UNC13C: variants seen among roughly 807,000 people sequenced by gnomAD.
UNC13C encodes the protein protein unc-13 homolog C.
In UNC13C, 174 loss-of-function variants were observed where a neutral mutation model predicts 245.4. The observed-to-expected ratio is 0.71, with a 90% CI of 0.63 to 0.80. The LOEUF (loss-of-function observed/expected upper bound fraction) is 0.80, where lower values mean the gene tolerates loss of function less well. UNC13C is among the 30% of genes least tolerant of loss of function. The probability of loss-of-function intolerance (pLI) is 0.00; values close to 1 mark genes in which losing one functional copy is unlikely to be tolerated. For synonymous variants in UNC13C, 992 were observed against 895.1 expected, an observed-to-expected ratio of 1.11 and a Z score of -1.93; for missense variants, 2,829 against 2,602.9, an observed-to-expected ratio of 1.09 and a Z score of -1.89.
intron 19 of UNC13C, among the ~76,000 whole-genome samples, chr15:54,486,152 A>C (rs1326789853): frequency 6.6e-6 from 1 of 151,870 alleles, no homozygotes; most frequent in African/African-American, 2.4e-5. Flanking sequence ...GCTCATGCCC[A>C]TAATCCCAGC....
At chr15:53,876,269 T>G in the UNC13C span, among the ~76,000 whole-genome samples, 3 of 152,318 alleles carry the variant, frequency 2.0e-5, no homozygotes, top group East Asian at 3.9e-4. Context: ...TTCAATGGAA[T>G]GTTCAAAGCT....
chr15:53,860,180 T>G, the UNC13C span, among the ~76,000 whole-genome samples: 1 of 152,222 alleles, frequency 6.6e-6, no homozygotes, highest in African/African-American at 2.4e-5. Context: ...TCTTAAGCTT[T>G]CAATATGTGT....
intron 19 of UNC13C, among the ~76,000 whole-genome samples, chr15:54,481,665 A>T (rs1198735867): frequency 6.6e-6 from 1 of 151,928 alleles, no homozygotes; most frequent in African/African-American, 2.4e-5. Context: ...TGGGACAAGG[A>T]TGGGCCTGTC....
chr15:54,111,780 G>A (rs1017860183), intron 2 of UNC13C, among the ~76,000 whole-genome samples: 4 of 152,144 alleles, frequency 2.6e-5, no homozygotes, highest in Non-Finnish European at 5.9e-5. Flanking sequence ...ACTCCAAGGG[G>A]GCAGAGAGGA....
At chr15:53,876,653 T>C in the UNC13C span, among the ~76,000 whole-genome samples, 20 of 152,182 alleles carry the variant, frequency 1.3e-4, no homozygotes, top group Non-Finnish European at 2.9e-5. Flanking sequence ...TACTTTTTTT[T>C]GAAAAGTCTG....
chr15:53,901,218 CTTTT>C, the UNC13C span, among the ~76,000 whole-genome samples: 2 of 104,830 alleles, frequency 1.9e-5, no homozygotes, highest in Non-Finnish European at 3.8e-5. Context: ...TCATAGATTT[CTTTT>C]TTTTTTTTTT....
At chr15:54,421,935 G>A (rs920059791) in intron 19 of UNC13C, among the ~76,000 whole-genome samples, 7 of 151,982 alleles carry the variant, frequency 4.6e-5, no homozygotes, top group Admixed American at 1.3e-4. Context: ...TCCCTGCCTT[G>A]AGAAACTTTT....
intron 18 of UNC13C, among the ~76,000 whole-genome samples, chr15:54,408,254 T>C (rs1190397015): frequency 2.7e-5 from 4 of 145,672 alleles, no homozygotes; most frequent in Admixed American, 2.1e-4. Flanking sequence ...ATAGGCTCTG[T>C]TTCTGATTCT....
At chr15:54,288,673 T>C (rs1341689103) in intron 10 of UNC13C, among the ~76,000 whole-genome samples, 2 of 152,096 alleles carry the variant, frequency 1.3e-5, no homozygotes, top group Non-Finnish European at 2.9e-5. Context: ...GGTTGTTGTA[T>C]GAGTGTACTT....
chr15:53,991,964 A>G (rs968013173), intron 1 of UNC13C, among the ~76,000 whole-genome samples: 2 of 152,028 alleles, frequency 1.3e-5, no homozygotes, highest in African/African-American at 2.4e-5. Context: ...TTCTTGGCTG[A>G]TAGGTTTTCT....
At chr15:54,289,423 A>G (rs1438986692) in intron 10 of UNC13C, among the ~76,000 whole-genome samples, 5 of 152,114 alleles carry the variant, frequency 3.3e-5, no homozygotes, top group African/African-American at 4.8e-5. Flanking sequence ...ATCAAAATGT[A>G]TCGGCTTTCT....
chr15:54,537,547 C>T (rs1896037254), intron 26 of UNC13C, among the ~76,000 whole-genome samples: 2 of 151,866 alleles, frequency 1.3e-5, no homozygotes, highest in South Asian at 2.1e-4. Context: ...GCAAAAAGAA[C>T]AAAGCCAGAG....
chr15:53,902,204 T>C, the UNC13C span, among the ~76,000 whole-genome samples: 4 of 152,188 alleles, frequency 2.6e-5, no homozygotes, highest in Admixed American at 2.6e-4. Flanking sequence ...TCCCTTCTAG[T>C]CCAAATGGGC....
At chr15:54,228,430 C>T (rs1323585043) in intron 4 of UNC13C, among the ~76,000 whole-genome samples, 1 of 152,066 alleles carries the variant, frequency 6.6e-6, no homozygotes, top group East Asian at 1.9e-4. Context: ...TGGGTCTCTC[C>T]CCATTGCCAT....
chr15:53,909,433 G>A, the UNC13C span, among the ~76,000 whole-genome samples: 3 of 146,840 alleles, frequency 2.0e-5, no homozygotes, highest in South Asian at 6.8e-4. Context: ...TTAGGGATGA[G>A]GAGACAGGCT....
intron 8 of UNC13C, among the ~76,000 whole-genome samples, chr15:54,261,142 CT>C (rs1253409026): frequency 6.6e-6 from 1 of 152,134 alleles, no homozygotes; most frequent in African/African-American, 2.4e-5. Flanking sequence ...TACATTATCT[CT>C]TTTGATCTCA....
At chr15:54,152,959 A>G (rs1595918131) in intron 4 of UNC13C, among the ~76,000 whole-genome samples, 1 of 152,304 alleles carries the variant, frequency 6.6e-6, no homozygotes, top group East Asian at 1.9e-4. Context: ...ACCTTATTCC[A>G]TGAAGGTAGA....
intron 18 of UNC13C, among the ~76,000 whole-genome samples, chr15:54,404,176 G>A (rs2040245919): frequency 6.6e-6 from 1 of 152,112 alleles, no homozygotes; most frequent in South Asian, 2.1e-4. Context: ...ATACACGACA[G>A]GCAGTTACAG....
At chr15:54,080,611 A>G (rs545152653) in intron 2 of UNC13C, among the ~76,000 whole-genome samples, 7 of 152,046 alleles carry the variant, frequency 4.6e-5, no homozygotes, top group Non-Finnish European at 7.4e-5. Context: ...ACACATAGAA[A>G]TGTTCATAGT....
Sources: allele counts gnomAD v4.1 joint callset (sites outside exome capture counted in the v4.1 genomes callset), GRCh38; gene constraint gnomAD v4.1.1; transcripts MANE v1.5; gene names NCBI Gene and HGNC (gene_info 2026-07-23, HGNC 2026-07-21).